UNC13C: variants seen among roughly 807,000 people sequenced by gnomAD.
UNC13C encodes unc-13 homolog C.
UNC13C carries 174 observed loss-of-function variants against 245.4 expected under a neutral mutation model. That is an observed-to-expected ratio of 0.71 (90% confidence interval 0.63 to 0.80). UNC13C has a LOEUF of 0.80. Among genes scored for constraint, UNC13C ranks in the 30% least tolerant of loss-of-function variants. The probability of loss-of-function intolerance (pLI) is 0.00; values close to 1 mark genes in which losing one functional copy is unlikely to be tolerated. For synonymous variants in UNC13C, 992 were observed against 895.1 expected (o/e 1.11, Z -1.93); for missense variants, 2,829 against 2,602.9 (o/e 1.09, Z -1.89).
chr15:54,176,463 C>T (rs1567070418), intron 4 of UNC13C, among the ~76,000 whole-genome samples: 1 of 151,900 alleles, frequency 6.6e-6, no homozygotes, highest in Non-Finnish European at 1.5e-5. Context: ...CTACAGTTAC[C>T]TTTTATAATG....
At chr15:54,023,494 A>G (rs149004806) in intron 2 of UNC13C, among the ~76,000 whole-genome samples, 1,810 of 152,312 alleles carry the variant, frequency 0.012, 18 homozygotes, top group Non-Finnish European at 0.018. Flanking sequence ...GAAGTTTTGT[A>G]AGTCTGGGGA....
In UNC13C at chr15:54,181,091, T is replaced by A. The variant is rs1362146775; in HGVS notation, c.3071+37407T>A. 2.0e-5 allele frequency among the ~76,000 whole-genome samples: 3 copies of A among 152,106 alleles called. No homozygotes were observed. The East Asian group carries it at 5.8e-4, about 29-fold the overall frequency. ...CCCAAGGCTGATATCTAGAATGGTGTTTTCTATGTTTTCTTCTAGGATTTA... is the reference window on the plus strand; with the variant it reads ...CCCAAGGCTGATATCTAGAATGGTGATTTCTATGTTTTCTTCTAGGATTTA... On this transcript the variant is annotated intron_variant, in intron 4 of 32. Transcript: ENST00000260323.
At chr15:53,952,795 TCTTA>T in the UNC13C span, among the ~76,000 whole-genome samples, 3 of 152,222 alleles carry the variant, frequency 2.0e-5, no homozygotes, top group Non-Finnish European at 4.4e-5. Context: ...AGTCCATCCT[TCTTA>T]CTTAAAGTAT....
intron 27 of UNC13C, among the ~76,000 whole-genome samples, chr15:54,549,272 T>G (rs1265758137): frequency 2.6e-5 from 4 of 152,182 alleles, no homozygotes; most frequent in Non-Finnish European, 1.5e-5. Flanking sequence ...CTTCAGATTT[T>G]GCATACATTT....
At chr15:54,273,428 T>G (rs1301626512) in intron 10 of UNC13C, among the ~76,000 whole-genome samples, 3 of 152,200 alleles carry the variant, frequency 2.0e-5, no homozygotes, top group African/African-American at 7.2e-5. Flanking sequence ...TCAATAGATT[T>G]TCTTGTTTTT....
intron 18 of UNC13C, among the ~76,000 whole-genome samples, chr15:54,404,347 C>T (rs541555511): frequency 2.7e-4 from 41 of 152,250 alleles, no homozygotes; most frequent in African/African-American, 8.9e-4. Flanking sequence ...ATGTTTTCCT[C>T]ATTTCACTAA....
At chr15:54,571,282 G>T (rs1260528481) in intron 30 of UNC13C, among the ~76,000 whole-genome samples, 2 of 152,184 alleles carry the variant, frequency 1.3e-5, no homozygotes, top group Admixed American at 6.5e-5. Flanking sequence ...AGGGGCAAAG[G>T]CATGTCTTAC....
intron 24 of UNC13C, chr15:54,512,291 T>G (rs1030648346): frequency 1.3e-5 from 6 of 453,826 alleles, no homozygotes; most frequent in African/African-American, 2.0e-5. Flanking sequence ...TTGTGTGATG[T>G]GTCTGTAATG....
At chr15:54,318,273 TA>T (rs1439866125) in intron 13 of UNC13C, among the ~76,000 whole-genome samples, 1 of 151,938 alleles carries the variant, frequency 6.6e-6, no homozygotes, top group East Asian at 1.9e-4. Flanking sequence ...ATGATTGTCC[TA>T]TTTTTTAGTT....
chr15:54,122,319 G>T (rs1218004424), intron 2 of UNC13C, among the ~76,000 whole-genome samples: 1 of 151,886 alleles, frequency 6.6e-6, no homozygotes, highest in Non-Finnish European at 1.5e-5. Context: ...TAAAATGCTT[G>T]TGCTTTGTTT....
intron 2 of UNC13C, among the ~76,000 whole-genome samples, chr15:54,020,577 C>T (rs775284008): frequency 2.0e-5 from 3 of 151,818 alleles, no homozygotes; most frequent in Non-Finnish European, 4.4e-5. Flanking sequence ...ACCACCACAC[C>T]CGGCCGATTT....
chr15:53,963,553 A>G, the UNC13C span, among the ~76,000 whole-genome samples: 5 of 152,180 alleles, frequency 3.3e-5, no homozygotes, highest in Non-Finnish European at 5.9e-5. Context: ...TTAGCTCAGT[A>G]TCAGCCACAG....
At chr15:54,240,968 T>C (rs2035836043) in intron 7 of UNC13C, among the ~76,000 whole-genome samples, 1 of 152,146 alleles carries the variant, frequency 6.6e-6, no homozygotes, top group Non-Finnish European at 1.5e-5. Context: ...GGAAATAAAG[T>C]AGCGAACAAC....
chr15:54,393,524 G>A (rs942292929), intron 18 of UNC13C, among the ~76,000 whole-genome samples: 3 of 151,966 alleles, frequency 2.0e-5, no homozygotes, highest in Admixed American at 6.6e-5. Context: ...ATTTTGAAGA[G>A]CTAGTGTTAA....
intron 2 of UNC13C, among the ~76,000 whole-genome samples, chr15:54,047,950 G>A (rs1337254512): frequency 6.6e-6 from 1 of 152,094 alleles, no homozygotes; most frequent in Non-Finnish European, 1.5e-5. Flanking sequence ...CATATCGTAA[G>A]TATACCGTAA....
At chr15:54,451,016 G>A (rs1215345249) in intron 19 of UNC13C, among the ~76,000 whole-genome samples, 1 of 151,996 alleles carries the variant, frequency 6.6e-6, no homozygotes, top group East Asian at 1.9e-4. Context: ...TAGTATTTTT[G>A]GTGGATACTT....
chr15:54,532,950 G>A lies in UNC13C; in HGVS notation c.5580G>A (p.Gln1860=), dbSNP rs533609931. The stretch of plus-strand genomic sequence containing the variant: ...TTATAATTGAAGAGTGTATAAAACA[G>A]ATGAGTTTCGAACTAAATCAAATGA... ...FQVIIEECIK[Q]MSFELNQMRA... is the part of the protein sequence containing the mutation. Residue 1860 remains glutamine, a synonymous_variant, in exon 26 of 33, where the codon CAG becomes CAA. Transcript: ENST00000260323. 23 of 1,581,748 alleles carry A rather than the reference G, an allele frequency of 1.5e-5. No homozygotes were observed. The South Asian group carries it at 1.9e-4, about 13-fold the overall frequency.
intron 2 of UNC13C, among the ~76,000 whole-genome samples, chr15:54,087,080 A>G (rs1899286438): frequency 1.3e-5 from 2 of 151,918 alleles, no homozygotes; most frequent in Non-Finnish European, 2.9e-5. Context: ...TGGAAGCACT[A>G]TTTTCCTGTC....
intron 17 of UNC13C, among the ~76,000 whole-genome samples, chr15:54,344,167 C>A (rs1052289546): frequency 1.1e-4 from 16 of 152,162 alleles, no homozygotes; most frequent in African/African-American, 3.9e-4. Context: ...GAATCTTTAT[C>A]ATTTCCTCAT....
Sources: allele counts gnomAD v4.1 joint callset (sites outside exome capture counted in the v4.1 genomes callset), GRCh38; gene constraint gnomAD v4.1.1; transcripts MANE v1.5; gene names NCBI Gene and HGNC (gene_info 2026-07-23, HGNC 2026-07-21).